The following PCDHGB6 variants were observed in gnomAD, a reference collection of about 807,000 sequenced individuals.
PCDHGB6 encodes the protein protocadherin gamma subfamily B, 6, also known as protocadherin gamma-B6.
A neutral mutation model predicts 59.1 loss-of-function variants in PCDHGB6; 51 were observed. The observed-to-expected ratio is 0.86, with a 90% CI of 0.69 to 1.09. The LOEUF (loss-of-function observed/expected upper bound fraction) is 1.09. Ranked by LOEUF, PCDHGB6 falls within the 50% of genes least tolerant of loss-of-function variation. The pLI is 0.00. For synonymous variants in PCDHGB6, 466 were observed against 495.1 expected, an observed-to-expected ratio of 0.94 and a Z score of 0.78; for missense variants, 1,148 against 1,205.1, an observed-to-expected ratio of 0.95 and a Z score of 0.70.
At chr5:141,435,614 C>T (rs1274100711) in intron 1 of PCDHGB6, among the ~76,000 whole-genome samples, 1 of 152,056 alleles carries the variant, frequency 6.6e-6, no homozygotes, top group Non-Finnish European at 1.5e-5. Context: ...ACATTAAATT[C>T]CCCATAACTT....
rs1430298222 is a variant in PCDHGB6, at chr5:141,476,741, A to C, written c.2419-18066A>C. ...CGCCCTGGACCGAGAACGGGAGCCTAGTCTCCAGTTAGTGCTGACGGCGTT... is the reference window on the plus strand; with the variant it reads ...CGCCCTGGACCGAGAACGGGAGCCTCGTCTCCAGTTAGTGCTGACGGCGTT... On this transcript the variant is annotated intron_variant, in intron 1 of 3. Coordinates refer to ENST00000520790, the MANE Select transcript of PCDHGB6 (RefSeq NM_018926.3). The surrounding 1 kb of genome is among the most constrained non-coding windows in gnomAD (Gnocchi z 7.6). 1 of 1,613,936 alleles carries C rather than the reference A, an allele frequency of 6.2e-7. No homozygotes were observed. Among genetic ancestry groups the C allele is most frequent in the South Asian group, 1.1e-5 (1 of 91,088 alleles).
At chr5:141,470,628 G>T (rs1475199767) in intron 1 of PCDHGB6, among the ~76,000 whole-genome samples, 12 of 152,146 alleles carry the variant, frequency 7.9e-5, no homozygotes, top group Admixed American at 7.9e-4. Flanking sequence ...GCTTAGATAG[G>T]CCCCCTTGCT....
intron 2 of PCDHGB6, among the ~76,000 whole-genome samples, chr5:141,496,753 A>G (rs2099771084): frequency 6.6e-6 from 1 of 152,166 alleles, no homozygotes; most frequent in Admixed American, 6.5e-5. Flanking sequence ...TTCAACAAAT[A>G]TTTATCGAGC....
chr5:141,464,093 C>T (rs1029458289), intron 1 of PCDHGB6, among the ~76,000 whole-genome samples: 1 of 151,888 alleles, frequency 6.6e-6, no homozygotes, highest in Non-Finnish European at 1.5e-5. Context: ...GGTGAAACTC[C>T]GTCTCTACTA....
At chr5:141,469,992 G>A (rs894673835) in intron 1 of PCDHGB6, among the ~76,000 whole-genome samples, 10 of 152,054 alleles carry the variant, frequency 6.6e-5, no homozygotes, top group South Asian at 2.1e-4. Context: ...TTAGCTGGTC[G>A]TCGTGGCACG....
chr5:141,422,328 TGCTCTTCTAAA>T (rs2096641385), intron 1 of PCDHGB6: 1 of 1,548,384 alleles, frequency 6.5e-7, no homozygotes, highest in Admixed American at 2.1e-5. Flanking sequence ...GTACAGTGAT[TGCTCTTCTAAA>T]TGTGCAAGAT....
At chr5:141,475,997 G>A in intron 1 of PCDHGB6, 2 of 1,184,406 alleles carry the variant, frequency 1.7e-6, no homozygotes, top group East Asian at 2.4e-5. Flanking sequence ...CAAATCAACG[G>A]CATCCAGAAA....
intron 1 of PCDHGB6, chr5:141,421,745 T>C: frequency 6.2e-7 from 1 of 1,613,950 alleles, no homozygotes; most frequent in Non-Finnish European, 8.5e-7. Flanking sequence ...AGCTACCAGC[T>C]CAGCCCTAAT....
chr5:141,455,448 C>T (rs1403500578), intron 1 of PCDHGB6, among the ~76,000 whole-genome samples: 1 of 152,112 alleles, frequency 6.6e-6, no homozygotes, highest in African/African-American at 2.4e-5. Context: ...CCATCTACCG[C>T]GGATACCAGC....
In PCDHGB6 at chr5:141,408,461, A is replaced by G; in HGVS notation, c.259A>G (p.Lys87Glu). The change falls in exon 1 of 4, where the codon AAG (lysine) becomes GAG (glutamate). Residue 87 changes from lysine (K) to glutamate (E), a missense_variant. This residue lies in a region of PCDHGB6 where 307 missense variants were observed against 323.8 expected (regional missense o/e 0.95). Transcript: ENST00000520790. ...VDAESGDLLV[K>E]NRIDREQICK... ...CGCGGAGAGCGGGGACTTACTTGTGAAGAACCGAATAGACCGTGAGCAAAT... is the reference window on the plus strand; with the variant it reads ...CGCGGAGAGCGGGGACTTACTTGTGGAGAACCGAATAGACCGTGAGCAAAT... The G allele has an allele frequency of 2.5e-6, 4 of 1,614,044 alleles. No individual in the cohort carries two copies. The highest frequency in any genetic ancestry group is 3.4e-6 in the Non-Finnish European group (4 of 1,179,900).
chr5:141,481,913 C>CA (rs34114744), intron 1 of PCDHGB6, among the ~76,000 whole-genome samples: 1,134 of 90,654 alleles, frequency 0.013, 16 homozygotes, highest in East Asian at 0.053. Flanking sequence ...AACTCCATCT[C>CA]AAAAAAAAAA....
At chr5:141,496,289 G>A (rs1347634489) in intron 2 of PCDHGB6, among the ~76,000 whole-genome samples, 3 of 152,224 alleles carry the variant, frequency 2.0e-5, no homozygotes, top group Non-Finnish European at 4.4e-5. Flanking sequence ...GGTCTGAGCA[G>A]AGTGGGATAG....
chr5:141,422,453 G>A, intron 1 of PCDHGB6: 3 of 1,611,704 alleles, frequency 1.9e-6, no homozygotes, highest in Non-Finnish European at 2.5e-6. Context: ...ATAACAAGCA[G>A]AGTGCTGGAC....
intron 2 of PCDHGB6, 79 bp downstream of exon 2, chr5:141,494,944 C>T: frequency 1.9e-6 from 3 of 1,609,850 alleles, no homozygotes; most frequent in Non-Finnish European, 2.5e-6. Context: ...TGGGGGAGGG[C>T]CCAGCATTTG....
chr5:141,444,146 T>C (rs2098418879), intron 1 of PCDHGB6, among the ~76,000 whole-genome samples: 2 of 145,824 alleles, frequency 1.4e-5, no homozygotes, highest in South Asian at 4.3e-4. Flanking sequence ...CACTTGTGTG[T>C]ACTGGATTTT....
At position 141,432,180 on chromosome 5, in the gene PCDHGB6, T is replaced by G. The variant is rs943491593; in HGVS notation, c.2418+21560T>G. 2 of 1,614,044 alleles carry G rather than the reference T, an allele frequency of 1.2e-6. No homozygotes were observed. The highest frequency in any genetic ancestry group is 1.7e-6 in the Non-Finnish European group (2 of 1,180,036). ...CCCAGAGGAGTTTCCCTCGTCTCTG[T>G]GACCGCCCACGACCCCGACTGTGAA... On this transcript the variant is annotated intron_variant, in intron 1 of 3. Coordinates refer to ENST00000520790, the MANE Select transcript of PCDHGB6 (RefSeq NM_018926.3). This position sits in a 1 kb window ranked among gnomAD's most constrained non-coding sequence, Gnocchi z 6.0.
chr5:141,433,223 T>C lies in PCDHGB6; in HGVS notation c.2418+22603T>C, dbSNP rs2097577369. On this transcript the variant is annotated intron_variant, in intron 1 of 3. Coordinates refer to ENST00000520790, the MANE Select transcript of PCDHGB6 (RefSeq NM_018926.3). The stretch of plus-strand genomic sequence containing the variant: ...AATCTTCTTTCTTTTTTTTTTTTAA[T>C]TGCTCTGTCTCCCAAGCTGGAATGC... The C allele has an allele frequency of 4.6e-6, 7 of 1,525,952 alleles. No individual in the cohort carries two copies. In the East Asian group the frequency reaches 1.6e-4, roughly 34 times the overall value. The allele number at this position is 1,525,952 out of a possible 1,614,324, so 94.5% of individuals were successfully genotyped here. A position where few individuals can be genotyped will look rare whatever the true frequency, so the allele number is the denominator to read the frequency against.
rs771884610 is a variant in PCDHGB6, at chr5:141,491,436, G to T, written c.2419-3371G>T. 1 of 1,614,070 alleles carries T rather than the reference G, an allele frequency of 6.2e-7. No individual in the cohort carries two copies. ...ACGGGGGTGGAGGGCAGTGCTGCAGGCGCCAGGACTCACCCTCCCCGGACT... is the reference window on the plus strand; with the variant it reads ...ACGGGGGTGGAGGGCAGTGCTGCAGTCGCCAGGACTCACCCTCCCCGGACT... On this transcript the variant is annotated intron_variant, in intron 1 of 3. Coordinates refer to ENST00000520790, the MANE Select transcript of PCDHGB6 (RefSeq NM_018926.3). The surrounding 1 kb of genome is among the most constrained non-coding windows in gnomAD (Gnocchi z 6.9).
intron 2 of PCDHGB6, among the ~76,000 whole-genome samples, chr5:141,496,103 C>T (rs779317844): frequency 2.0e-5 from 3 of 152,218 alleles, no homozygotes; most frequent in South Asian, 2.1e-4. Flanking sequence ...ACCAACACCC[C>T]GCTCTCTTCC....
Sources: allele counts gnomAD v4.1 joint callset (sites outside exome capture counted in the v4.1 genomes callset), GRCh38; gene constraint gnomAD v4.1.1; regional missense constraint gnomAD v4.1.1; non-coding constraint Gnocchi (gnomAD v3.1); transcripts MANE v1.5; gene names NCBI Gene and HGNC (gene_info 2026-07-23, HGNC 2026-07-21).